The following AFAP1L1 variants were observed in gnomAD, a reference collection of about 807,000 sequenced individuals.
AFAP1L1 encodes actin filament-associated protein 1-like 1.
In AFAP1L1, 77 loss-of-function variants were observed where a neutral mutation model predicts 99.8. That is an observed-to-expected ratio of 0.77 (90% CI 0.64 to 0.93). The LOEUF is 0.93. AFAP1L1 is among the 40% of genes least tolerant of loss of function. The pLI is 0.00. For synonymous variants in AFAP1L1, 373 were observed against 395.3 expected, an observed-to-expected ratio of 0.94 and a Z score of 0.67; for missense variants, 893 against 996.8, an observed-to-expected ratio of 0.90 and a Z score of 1.40.
chr5:149,342,728 A>G lies in AFAP1L1; in HGVS notation c.*2698A>G, dbSNP rs1757591642. Among the ~76,000 whole-genome samples, 1 of 152,224 alleles carries G rather than the reference A, an allele frequency of 6.6e-6. No homozygotes were observed. The highest frequency in any genetic ancestry group is 2.1e-4 in the South Asian group (1 of 4,832). On this transcript the variant is annotated 3_prime_UTR_variant, in exon 19 of 19. Transcript: ENST00000296721. ...GGAGTTCAAGACCAGCCTGGCCAAC[A>G]TGGCAAAACCCCATCTCTATCAAAA... is the stretch of plus-strand genomic sequence containing the variant.
At chr5:149,319,260 G>T (rs1756884669) in intron 12 of AFAP1L1, among the ~76,000 whole-genome samples, 2 of 152,116 alleles carry the variant, frequency 1.3e-5, no homozygotes, top group South Asian at 4.1e-4. Context: ...AAAATTCAGA[G>T]AACACCCAAA....
intron 5 of AFAP1L1, among the ~76,000 whole-genome samples, chr5:149,304,011 C>G (rs751834889): frequency 1.3e-4 from 20 of 152,202 alleles, no homozygotes; most frequent in Non-Finnish European, 2.6e-4. Flanking sequence ...AAGCCCATAC[C>G]ACTAAGCAGT....
chr5:149,329,536 T>A, intron 15 of AFAP1L1, 130 bp from the exon 16 acceptor site: 1 of 965,746 alleles, frequency 1.0e-6, no homozygotes, highest in East Asian at 2.7e-5. Context: ...TAAATATATC[T>A]AAGGGACTAG....
intron 1 of AFAP1L1, among the ~76,000 whole-genome samples, chr5:149,285,952 A>G (rs766530677): frequency 5.9e-5 from 9 of 152,142 alleles, no homozygotes; most frequent in Non-Finnish European, 1.0e-4. Flanking sequence ...TACTGTGCTG[A>G]ACACTGGGCA....
chr5:149,313,074 C>T (rs567060242), intron 9 of AFAP1L1, among the ~76,000 whole-genome samples: 11 of 151,018 alleles, frequency 7.3e-5, no homozygotes, highest in Non-Finnish European at 1.5e-4. Context: ...TGTGGTGAGC[C>T]GAGATTGTGC....
chr5:149,323,528 G>A (rs911496258), intron 15 of AFAP1L1, among the ~76,000 whole-genome samples: 1 of 152,164 alleles, frequency 6.6e-6, no homozygotes, highest in Non-Finnish European at 1.5e-5. Context: ...TCTTCCCCCT[G>A]CATCTCAACA....
At chr5:149,301,041 C>T in intron 3 of AFAP1L1, 92 bp from the exon 4 acceptor site, 1 of 1,080,644 alleles carries the variant, frequency 9.3e-7, no homozygotes, top group Middle Eastern at 2.1e-4. Flanking sequence ...CGACCTCACA[C>T]TCAGGCCTCC....
intron 1 of AFAP1L1, among the ~76,000 whole-genome samples, chr5:149,273,571 G>C (rs1429929437): frequency 1.3e-5 from 2 of 152,046 alleles, no homozygotes; most frequent in African/African-American, 4.8e-5. Flanking sequence ...AAGAGAGTGG[G>C]CTTCTGTTTG....
intron 16 of AFAP1L1, among the ~76,000 whole-genome samples, chr5:149,331,293 T>A (rs56335255): frequency 0.36 from 55,067 of 151,764 alleles, 10,564 homozygotes; most frequent in African/African-American, 0.49. Context: ...AGAAAGAAAA[T>A]TTTTTAAAAA....
rs761420859 is a variant in AFAP1L1 at position 149,319,615 on chromosome 5, G to A, written c.1513G>A (p.Gly505Arg). The A allele has an allele frequency of 7.0e-5, 113 of 1,613,258 alleles. No homozygotes were observed. Among genetic ancestry groups the A allele is most frequent in the Middle Eastern group, 3.6e-4 (2 of 5,612 alleles). ...TTCAGAGGACATGGGTCGCTGGCTC[G>A]GGCTGCTGCTGGTGGAGATGGGCTC... ...SCSEDMGRWLGLLLVEMGSRV... is the reference protein window; with the variant it reads ...SCSEDMGRWLRLLLVEMGSRV... The change falls in exon 13 of 19, where the codon GGG (glycine) becomes AGG (arginine). Residue 505 changes from glycine (G) to arginine (R), a missense_variant. Physicochemically the swap from Gly to Arg is moderately radical, Grantham distance 125 (BLOSUM62 -2). Coordinates refer to ENST00000296721, the MANE Select transcript of AFAP1L1 (RefSeq NM_152406.4).
intron 13 of AFAP1L1, 59 bp downstream of exon 13, chr5:149,319,786 C>T (rs542505091): frequency 8.2e-6 from 13 of 1,589,440 alleles, no homozygotes; most frequent in Non-Finnish European, 1.1e-5. Flanking sequence ...CCATCCCTCT[C>T]AGAGGCTGAG....
At chr5:149,290,689 C>T (rs1755823416) in intron 1 of AFAP1L1, among the ~76,000 whole-genome samples, 1 of 151,820 alleles carries the variant, frequency 6.6e-6, no homozygotes, top group Non-Finnish European at 1.5e-5. Flanking sequence ...CTTTTGCTTC[C>T]TTTTACATGC....
rs750810577 is a variant in AFAP1L1 at position 149,318,521 on chromosome 5, C to T, written c.1479+581C>T. On this transcript the variant is annotated intron_variant, in intron 12 of 18. Coordinates refer to ENST00000296721, the MANE Select transcript of AFAP1L1 (RefSeq NM_152406.4). Reference sequence around the variant, plus strand: ...AAGCTCCAGGAAGGCAATAATTAGGCCTATTCTGCATACTTTTGTTTTTCC... The same window carrying T: ...AAGCTCCAGGAAGGCAATAATTAGGTCTATTCTGCATACTTTTGTTTTTCC... Among the ~76,000 whole-genome samples, 60 of 152,194 alleles carry T rather than the reference C, an allele frequency of 3.9e-4. 2 individuals carry two copies. The highest frequency in any genetic ancestry group is 1.8e-4 in the Non-Finnish European group (12 of 68,042).
intron 15 of AFAP1L1, 87 bp downstream of exon 15, chr5:149,322,804 G>C (rs1756992133): frequency 1.8e-6 from 2 of 1,106,550 alleles, no homozygotes; most frequent in Non-Finnish European, 2.6e-6. Context: ...AGTTTCCCTG[G>C]TGGGTAAATA....
At chr5:149,273,339 G>C (rs188542171) in intron 1 of AFAP1L1, among the ~76,000 whole-genome samples, 3 of 151,996 alleles carry the variant, frequency 2.0e-5, no homozygotes, top group Admixed American at 6.5e-5. Flanking sequence ...AAAAAGAAGG[G>C]AACAGGGGCA....
chr5:149,279,623 C>A (rs995510742), intron 1 of AFAP1L1, among the ~76,000 whole-genome samples: 1 of 152,164 alleles, frequency 6.6e-6, no homozygotes, highest in Non-Finnish European at 1.5e-5. Flanking sequence ...TATGCTTAAA[C>A]CCTTCAGTGG....
intron 1 of AFAP1L1, among the ~76,000 whole-genome samples, chr5:149,274,259 A>G (rs1205488473): frequency 1.3e-5 from 2 of 152,244 alleles, no homozygotes. Flanking sequence ...AGGAGCTCCA[A>G]CAGTGGTTTA....
In AFAP1L1 at chr5:149,342,146, C is replaced by T. The variant is rs1038200865; in HGVS notation, c.*2116C>T. ...GCCCTGTTCTTGGTTTAATGCTCTA[C>T]TATTGCCTTCTTAATCATATTTGAA... On this transcript the variant is annotated 3_prime_UTR_variant, in exon 19 of 19. Transcript: ENST00000296721. Among the ~76,000 whole-genome samples, 8 of 152,244 alleles carry T rather than the reference C, an allele frequency of 5.3e-5. No homozygotes were observed. The highest frequency in any genetic ancestry group is 1.9e-4 in the African/African-American group (8 of 41,468).
In AFAP1L1 at chr5:149,285,012, C is replaced by T. The variant is rs376445530; in HGVS notation, c.16+13028C>T. The stretch of plus-strand genomic sequence containing the variant: ...GAGATATTTGGGGCATTTCAAAACT[C>T]AAAACATCCATTTCCATGACTTTTG... On this transcript the variant is annotated intron_variant, in intron 1 of 18. Coordinates refer to ENST00000296721, the MANE Select transcript of AFAP1L1 (RefSeq NM_152406.4). Among the ~76,000 whole-genome samples, 13 of 152,166 alleles carry T rather than the reference C, an allele frequency of 8.5e-5. No homozygotes were observed. The East Asian group carries it at 1.5e-3, about 18-fold the overall frequency.
Sources: gnomAD v4.1 joint callset for allele counts (sites outside exome capture counted in the v4.1 genomes callset) on GRCh38, gnomAD v4.1.1 for gene constraint, MANE v1.5 for transcripts, NCBI Gene and HGNC (gene_info 2026-07-23, HGNC 2026-07-21) for gene names.